PDZD2: variants seen among roughly 807,000 people sequenced by gnomAD.
PDZD2 encodes the protein PDZ domain containing 2.
A neutral mutation model predicts 220.7 loss-of-function variants in PDZD2; 90 were observed. The observed-to-expected ratio is 0.41, with a 90% CI of 0.34 to 0.49. The LOEUF is 0.49. PDZD2 is among the 20% of genes least tolerant of loss of function. The pLI, the probability that PDZD2 is intolerant of heterozygous loss-of-function variation, is 0.28. For synonymous variants in PDZD2, 1,375 were observed against 1,450.5 expected, an observed-to-expected ratio of 0.95 and a Z score of 1.18; for missense variants, 3,174 against 3,608.5, an observed-to-expected ratio of 0.88 and a Z score of 3.08.
chr5:31,812,698 T>C (rs565775588), intron 2 of PDZD2, among the ~76,000 whole-genome samples: 26 of 152,350 alleles, frequency 1.7e-4, no homozygotes, highest in Admixed American at 2.0e-4. Context: ...TTGTTTTAAC[T>C]GAGTTAACCT....
chr5:32,008,589 G>A (rs1442939037), intron 5 of PDZD2, among the ~76,000 whole-genome samples: 1 of 152,084 alleles, frequency 6.6e-6, no homozygotes, highest in African/African-American at 2.4e-5. Context: ...CCAGCCAGTT[G>A]AATCTCTTTC....
rs554831999 is a variant in PDZD2 at position 32,076,691 on chromosome 5, T to C, written c.3538-771T>C. On this transcript the variant is annotated intron_variant, in intron 18 of 24. Coordinates refer to ENST00000438447, the MANE Select transcript of PDZD2 (RefSeq NM_178140.4). ...GTACAAGTCAATGGCACTTAGTACA[T>C]TCAGAATGCAATATGACCCACCACC... 6.0e-4 allele frequency among the ~76,000 whole-genome samples: 92 copies of C among 152,336 alleles called. 2 individuals are homozygous for C. In the South Asian group the frequency reaches 0.018, roughly 30 times the overall value.
intron 1 of PDZD2, among the ~76,000 whole-genome samples, chr5:31,749,015 TC>T (rs1337941959): frequency 6.6e-6 from 1 of 152,092 alleles, no homozygotes; most frequent in Non-Finnish European, 1.5e-5. Context: ...CAGTCCCTTG[TC>T]AGCACTCACT....
At chr5:31,997,929 G>A (rs1031099432) in intron 4 of PDZD2, among the ~76,000 whole-genome samples, 2 of 152,046 alleles carry the variant, frequency 1.3e-5, no homozygotes, top group Non-Finnish European at 2.9e-5. Context: ...CACAACCTCC[G>A]CCTCCCAGGT....
Position 31,816,287 on chromosome 5 carries a change from C to CAA in PDZD2, c.476+16577_476+16578dup, listed in dbSNP as rs34233316. ...TGGGCGACAGAGCGAGACTCCATCT[C>CAA]AAAAAAAAAAAAAAAGATGACTGGG... On this transcript the variant is annotated intron_variant, in intron 2 of 24. Coordinates refer to ENST00000438447, the MANE Select transcript of PDZD2 (RefSeq NM_178140.4). Among the ~76,000 whole-genome samples the CAA allele has an allele frequency of 6.2e-4, 61 of 99,118 alleles. 5 individuals carry two copies. Among genetic ancestry groups the CAA allele is most frequent in the African/African-American group, 1.2e-3 (28 of 23,908 alleles). The allele number at this position is 99,118 out of a possible 152,430, so 65.0% of individuals were successfully genotyped here.
intron 2 of PDZD2, among the ~76,000 whole-genome samples, chr5:31,845,096 G>A (rs1012263027): frequency 3.9e-5 from 6 of 152,314 alleles, no homozygotes; most frequent in South Asian, 2.1e-4. Context: ...CTCTCTCTCC[G>A]TCAGATGCCA....
chr5:31,884,259 A>ACATCCATCCATCCATCCATCCATC (rs1554089028), intron 2 of PDZD2, among the ~76,000 whole-genome samples: 3 of 151,562 alleles, frequency 2.0e-5, no homozygotes, highest in African/African-American at 4.8e-5. Flanking sequence ...ATACATACAT[A>ACATCCATCCATCCATCCATCCATC]CATCCTGGGT....
chr5:31,987,011 A>G (rs1248745721), intron 3 of PDZD2, among the ~76,000 whole-genome samples: 1 of 138,160 alleles, frequency 7.2e-6, no homozygotes, highest in African/African-American at 2.7e-5. Context: ...TGACTATTTA[A>G]AAAGACAAAG....
intron 5 of PDZD2, among the ~76,000 whole-genome samples, chr5:32,003,350 CCA>C (rs1561318088): frequency 4.6e-4 from 19 of 41,754 alleles, no homozygotes; most frequent in Non-Finnish European, 6.0e-4. Flanking sequence ...CACACACACA[CCA>C]CACACCACAC....
chr5:32,032,603 GT>G (rs1342119859), intron 6 of PDZD2, among the ~76,000 whole-genome samples: 1 of 152,084 alleles, frequency 6.6e-6, no homozygotes, highest in Non-Finnish European at 1.5e-5. Flanking sequence ...TCCAGAATTT[GT>G]TGCTTTTGTC....
At chr5:31,956,636 G>A (rs572762948) in intron 2 of PDZD2, among the ~76,000 whole-genome samples, 2 of 150,112 alleles carry the variant, frequency 1.3e-5, no homozygotes, top group Admixed American at 6.6e-5. Flanking sequence ...GCACATGCCT[G>A]TAGTCACAGC....
intron 2 of PDZD2, among the ~76,000 whole-genome samples, chr5:31,881,466 C>T (rs1739920155): frequency 6.6e-6 from 1 of 150,962 alleles, no homozygotes; most frequent in South Asian, 2.1e-4. Flanking sequence ...CAACCTCTGC[C>T]TCCCAGATTT....
intron 1 of PDZD2, among the ~76,000 whole-genome samples, chr5:31,670,675 C>A (rs1313397193): frequency 1.3e-5 from 2 of 152,136 alleles, no homozygotes; most frequent in East Asian, 1.9e-4. Flanking sequence ...CCCGCCTCAG[C>A]CTCCCAAAGT....
chr5:32,025,091 AAT>A, intron 6 of PDZD2, among the ~76,000 whole-genome samples: 1 of 152,342 alleles, frequency 6.6e-6, no homozygotes, highest in South Asian at 2.1e-4. Context: ...TGCCCTTAGA[AAT>A]ATATGTCAGC....
At chr5:32,093,304 G>T (rs1303753065) in intron 21 of PDZD2, among the ~76,000 whole-genome samples, 2 of 152,224 alleles carry the variant, frequency 1.3e-5, no homozygotes, top group African/African-American at 4.8e-5. Flanking sequence ...TAACTCCTAT[G>T]TGTGGAGTTT....
intron 2 of PDZD2, among the ~76,000 whole-genome samples, chr5:31,851,327 G>A (rs559555480): frequency 3.9e-5 from 6 of 152,232 alleles, no homozygotes; most frequent in African/African-American, 1.2e-4. Flanking sequence ...TCCCACCAGC[G>A]TGAATTCACC....
chr5:31,812,610 A>G (rs564264489), intron 2 of PDZD2, among the ~76,000 whole-genome samples: 3 of 152,200 alleles, frequency 2.0e-5, no homozygotes, highest in South Asian at 2.1e-4. Flanking sequence ...GGCCTGTTTA[A>G]TCCACTTTGG....
chr5:31,850,630 A>G (rs906477962), intron 2 of PDZD2, among the ~76,000 whole-genome samples: 1 of 147,604 alleles, frequency 6.8e-6, no homozygotes, highest in South Asian at 2.2e-4. Flanking sequence ...ATTGTACCCA[A>G]ATTCTTTTTT....
chr5:31,945,439 C>T (rs1312958488), intron 2 of PDZD2, among the ~76,000 whole-genome samples: 1 of 152,152 alleles, frequency 6.6e-6, no homozygotes, highest in African/African-American at 2.4e-5. Context: ...TTGTTTGTTT[C>T]TGCTATCTCG....
Sources: gnomAD v4.1 joint callset for allele counts (sites outside exome capture counted in the v4.1 genomes callset) on GRCh38, gnomAD v4.1.1 for gene constraint, MANE v1.5 for transcripts, NCBI Gene and HGNC (gene_info 2026-07-23, HGNC 2026-07-21) for gene names.